The following DNAH14 variants were observed in gnomAD, a reference collection of about 807,000 sequenced individuals.
The protein encoded by DNAH14 is dynein axonemal heavy chain 14.
A neutral mutation model predicts 520.9 loss-of-function variants in DNAH14; 478 were observed. The ratio of observed to expected loss-of-function variants is 0.92; its 90% CI spans 0.85 to 0.99. DNAH14 has a LOEUF of 0.99. Ranked by LOEUF, DNAH14 falls within the 50% of genes least tolerant of loss-of-function variation. The pLI, the probability that DNAH14 is intolerant of heterozygous loss-of-function variation, is 0.00. For synonymous variants in DNAH14, 1,581 were observed against 1,757.2 expected, an observed-to-expected ratio of 0.90 and a Z score of 2.51; for missense variants, 4,831 against 5,234.5, an observed-to-expected ratio of 0.92 and a Z score of 2.38.
intron 35 of DNAH14, among the ~76,000 whole-genome samples, chr1:225,164,599 G>A (rs962918863): frequency 1.3e-5 from 2 of 150,368 alleles, no homozygotes; most frequent in African/African-American, 2.5e-5. Flanking sequence ...GGGGTAGATC[G>A]AGTTTTCTTC....
chr1:225,084,124 A>G (rs1253474042), intron 20 of DNAH14, among the ~76,000 whole-genome samples: 1 of 152,188 alleles, frequency 6.6e-6, no homozygotes, highest in Non-Finnish European at 1.5e-5. Flanking sequence ...GTTCCCAATT[A>G]GGACAGTTTG....
intron 41 of DNAH14, among the ~76,000 whole-genome samples, chr1:225,211,793 C>G (rs1364937603): frequency 6.6e-6 from 1 of 152,148 alleles, no homozygotes; most frequent in African/African-American, 2.4e-5. Flanking sequence ...AACAGTATAT[C>G]TCTCTGCAGA....
chr1:224,975,984 C>A (rs1373552062), intron 8 of DNAH14, among the ~76,000 whole-genome samples: 6 of 151,318 alleles, frequency 4.0e-5, no homozygotes, highest in Non-Finnish European at 7.4e-5. Context: ...TCGTTATGTA[C>A]CCAGTAGTCA....
At position 225,351,847 on chromosome 1, in the gene DNAH14, G is replaced by A. The variant is rs775379976; in HGVS notation, c.11497G>A (p.Ala3833Thr). ...LISTPFSSENASLEENTKPPE... is the reference protein window; with the variant it reads ...LISTPFSSENTSLEENTKPPE... Reference sequence around the variant, plus strand: ...CAGCACACCTTTCTCTTCAGAAAATGCTTCATTGGAGGAAAATACAAAACC... The same window carrying A: ...CAGCACACCTTTCTCTTCAGAAAATACTTCATTGGAGGAAAATACAAAACC... Residue 3833 changes from alanine to threonine, a missense_variant, in exon 72 of 86, where the codon GCT becomes ACT. Coordinates refer to ENST00000682510, the MANE Select transcript of DNAH14 (RefSeq NM_001367479.1). 32 of 1,550,928 alleles carry A rather than the reference G, an allele frequency of 2.1e-5. No homozygotes were observed. Among genetic ancestry groups the A allele is most frequent in the South Asian group, 3.6e-5 (3 of 83,970 alleles).
chr1:225,298,743 T>G (rs651930), intron 55 of DNAH14, among the ~76,000 whole-genome samples: 93,842 of 152,052 alleles, frequency 0.62, 29,600 homozygotes, highest in East Asian at 0.78. Flanking sequence ...CACACCTTGT[T>G]CTCCCAATCC....
At chr1:225,005,173 G>C (rs1406282885) in intron 9 of DNAH14, among the ~76,000 whole-genome samples, 2 of 152,122 alleles carry the variant, frequency 1.3e-5, no homozygotes, top group Admixed American at 6.6e-5. Flanking sequence ...CTAGAGTTGA[G>C]ACTTTGGATC....
chr1:225,215,322 T>C (rs1385971432), intron 41 of DNAH14, among the ~76,000 whole-genome samples: 1 of 152,204 alleles, frequency 6.6e-6, no homozygotes, highest in Non-Finnish European at 1.5e-5. Context: ...CTGCTTTACT[T>C]CCAACTATGT....
At position 225,207,187 on chromosome 1, in the gene DNAH14, G is replaced by C. The variant is rs1478954825; in HGVS notation, c.6406G>C (p.Asp2136His). The change falls in exon 41 of 86, where the codon GAC becomes CAC. Residue 2136 changes from aspartate to histidine, a missense_variant. By Grantham distance (81) the Asp-to-His change is moderately conservative (BLOSUM62 -1). Transcript: ENST00000682510. ...CTGCAGAATTCTTGATGCTTTCTTTGACTTCATGGGTAAAAATGGAGGATT... is the reference window on the plus strand; with the variant it reads ...CTGCAGAATTCTTGATGCTTTCTTTCACTTCATGGGTAAAAATGGAGGATT... Reference protein sequence around the residue: ...TLCRILDAFFDFMGKNGGFEQ... With the variant: ...TLCRILDAFFHFMGKNGGFEQ... 13 of 1,531,400 alleles carry C rather than the reference G, an allele frequency of 8.5e-6. No individual in the cohort carries two copies. The highest frequency in any genetic ancestry group is 1.1e-5 in the Non-Finnish European group (12 of 1,137,996). The allele number at this position is 1,531,400 out of a possible 1,614,324, so 94.9% of individuals were successfully genotyped here.
At chr1:225,062,400 G>C (rs2070281564) in intron 17 of DNAH14, among the ~76,000 whole-genome samples, 1 of 152,140 alleles carries the variant, frequency 6.6e-6, no homozygotes. Context: ...TATGATTCTT[G>C]AAATCAGGGA....
At chr1:225,351,961 C>A in intron 72 of DNAH14, 78 bp downstream of exon 72, 2 of 1,160,582 alleles carry the variant, frequency 1.7e-6, no homozygotes, top group Non-Finnish European at 2.4e-6. Flanking sequence ...AAATGTCGTA[C>A]ATTATCTTAC....
intron 3 of DNAH14, 139 bp from the exon 4 acceptor site, chr1:224,960,014 T>C (rs2060745120): frequency 2.7e-6 from 2 of 731,042 alleles, no homozygotes; most frequent in Admixed American, 3.9e-5. Flanking sequence ...ACCCAGGCAG[T>C]GGGATTCAGC....
chr1:224,987,609 A>C (rs1476644641), intron 8 of DNAH14, among the ~76,000 whole-genome samples: 1 of 152,034 alleles, frequency 6.6e-6, no homozygotes, highest in Admixed American at 6.6e-5. Flanking sequence ...AGACAGAGGA[A>C]ATCAGGTTGA....
chr1:224,982,914 A>T (rs982427877), intron 8 of DNAH14, among the ~76,000 whole-genome samples: 3 of 152,164 alleles, frequency 2.0e-5, no homozygotes, highest in African/African-American at 7.2e-5. Context: ...TGTTGAATAG[A>T]ATGTGTGTTC....
At chr1:225,367,111 T>C (rs2095563003) in intron 76 of DNAH14, among the ~76,000 whole-genome samples, 2 of 151,242 alleles carry the variant, frequency 1.3e-5, no homozygotes, top group Non-Finnish European at 3.0e-5. Flanking sequence ...ACACAACTTA[T>C]GTAAGTGTGT....
At chr1:225,303,947 CCTTA>C (rs2094189200) in intron 57 of DNAH14, among the ~76,000 whole-genome samples, 1 of 152,080 alleles carries the variant, frequency 6.6e-6, no homozygotes, top group Non-Finnish European at 1.5e-5. Context: ...GGGATTGCAT[CCTTA>C]CTTGTCTAAG....
intron 34 of DNAH14, among the ~76,000 whole-genome samples, chr1:225,157,270 G>GTA (rs2081136140): frequency 6.6e-6 from 1 of 152,116 alleles, no homozygotes; most frequent in African/African-American, 2.4e-5. Context: ...ATCTCTCCAA[G>GTA]TATACACTTA....
chr1:224,990,459 T>G (rs1463670041), intron 8 of DNAH14, among the ~76,000 whole-genome samples: 1 of 152,170 alleles, frequency 6.6e-6, no homozygotes, highest in African/African-American at 2.4e-5. Context: ...GACCATAATC[T>G]CCTCCATTTC....
intron 8 of DNAH14, among the ~76,000 whole-genome samples, chr1:224,977,624 C>T (rs917128357): frequency 1.3e-5 from 2 of 152,240 alleles, no homozygotes; most frequent in Middle Eastern, 3.4e-3. Context: ...AAGTTGTATA[C>T]ATTAAATAGG....
intron 10 of DNAH14, among the ~76,000 whole-genome samples, chr1:225,014,418 GTT>G (rs34738305): frequency 3.1e-4 from 46 of 148,604 alleles, no homozygotes; most frequent in Admixed American, 3.3e-4. Context: ...TTCCTCACTA[GTT>G]TTTTTTTTTT....
Sources: allele counts gnomAD v4.1 joint callset (sites outside exome capture counted in the v4.1 genomes callset), GRCh38; gene constraint gnomAD v4.1.1; transcripts MANE v1.5; gene names NCBI Gene and HGNC (gene_info 2026-07-23, HGNC 2026-07-21).